The following CACNA2D2 variants were observed in gnomAD, a reference collection of about 807,000 sequenced individuals.
The protein encoded by CACNA2D2 is voltage-dependent calcium channel subunit alpha-2/delta-2.
CACNA2D2 carries 48 observed loss-of-function variants against 166.4 expected under a neutral mutation model. The ratio of observed to expected loss-of-function variants is 0.29; its 90% confidence interval spans 0.23 to 0.37. The LOEUF (loss-of-function observed/expected upper bound fraction) is 0.37, where lower values mean the gene tolerates loss of function less well. Ranked by LOEUF, CACNA2D2 falls within the 10% of genes least tolerant of loss-of-function variation. CACNA2D2 has a pLI of 1.00. For missense variants in CACNA2D2, 1,122 were observed against 1,433.0 expected, an observed-to-expected ratio of 0.78 and a Z score of 3.50; for synonymous variants, 561 against 573.7, an observed-to-expected ratio of 0.98 and a Z score of 0.32.
At chr3:50,409,745 G>A (rs576789389) in intron 3 of CACNA2D2, among the ~76,000 whole-genome samples, 1 of 152,178 alleles carries the variant, frequency 6.6e-6, no homozygotes, top group Non-Finnish European at 1.5e-5. Flanking sequence ...CCTACTTGCC[G>A]ATTAGCCCAG....
In CACNA2D2 at chr3:50,364,821, A is replaced by C; in HGVS notation, c.3292-15T>G. Reference sequence around the variant, plus strand: ...GAGGTATCTTCCTGCGGGGAGAGACAAGGAGCTGGTCGGCCTGGGCGGGCG... The same window carrying C: ...GAGGTATCTTCCTGCGGGGAGAGACCAGGAGCTGGTCGGCCTGGGCGGGCG... On this transcript the variant is annotated splice_polypyrimidine_tract_variant and intron_variant, in intron 37 of 37. Transcript: ENST00000424201. 7 of 1,612,820 alleles carry C rather than the reference A, an allele frequency of 4.3e-6. No homozygotes were observed. Among genetic ancestry groups the C allele is most frequent in the Non-Finnish European group, 5.9e-6 (7 of 1,179,782 alleles).
chr3:50,482,280 G>A (rs1290978743), intron 1 of CACNA2D2, among the ~76,000 whole-genome samples: 2 of 152,186 alleles, frequency 1.3e-5, no homozygotes, highest in Non-Finnish European at 2.9e-5. Flanking sequence ...GTGCACTCCA[G>A]GACGGTGGCA....
chr3:50,382,382 T>A (rs587596458), intron 6 of CACNA2D2, among the ~76,000 whole-genome samples: 1 of 152,164 alleles, frequency 6.6e-6, no homozygotes, highest in African/African-American at 2.4e-5. Flanking sequence ...GTAGAAAGCA[T>A]GATTTACAGT....
chr3:50,389,709 T>C (rs1221399335), intron 4 of CACNA2D2, among the ~76,000 whole-genome samples: 1 of 152,200 alleles, frequency 6.6e-6, no homozygotes, highest in Admixed American at 6.5e-5. Context: ...ACATCAGATA[T>C]TGGTGGCGTC....
chr3:50,482,138 A>T (rs977919819), intron 1 of CACNA2D2, among the ~76,000 whole-genome samples: 1 of 152,172 alleles, frequency 6.6e-6, no homozygotes, highest in Non-Finnish European at 1.5e-5. Context: ...CCACTCCCCC[A>T]TCCCAGCCTG....
chr3:50,460,785 C>T (rs937671137), intron 2 of CACNA2D2, among the ~76,000 whole-genome samples: 27 of 151,342 alleles, frequency 1.8e-4, no homozygotes, highest in East Asian at 7.8e-4. Flanking sequence ...ACCCGGAAGG[C>T]GGAGCTTGCA....
At chr3:50,495,538 A>G (rs1264312456) in intron 1 of CACNA2D2, among the ~76,000 whole-genome samples, 8 of 152,212 alleles carry the variant, frequency 5.3e-5, no homozygotes, top group Non-Finnish European at 1.2e-4. Context: ...TCCTTGAAGG[A>G]AGTGTCTTCG....
chr3:50,378,721 G>A (rs1053984485), intron 13 of CACNA2D2, among the ~76,000 whole-genome samples, 194 bp downstream of exon 13: 1 of 152,218 alleles, frequency 6.6e-6, no homozygotes, highest in Non-Finnish European at 1.5e-5. Flanking sequence ...CAGACAGACG[G>A]GCAAAAAGAG....
At chr3:50,481,168 C>A (rs1048116556) in intron 1 of CACNA2D2, among the ~76,000 whole-genome samples, 4 of 151,804 alleles carry the variant, frequency 2.6e-5, no homozygotes, top group Non-Finnish European at 4.4e-5. Flanking sequence ...TCAGAGGGCA[C>A]GGGTGGGTGT....
At position 50,363,119 on chromosome 3, in the gene CACNA2D2, T is replaced by C. The variant is rs1011286918; in HGVS notation, c.*1547A>G. ...TTTTCTGTTTTTTAAACTTAAAATA[T>C]ATATTTTTCTGTATATGTTTATATT... is the stretch of plus-strand genomic sequence containing the variant. On this transcript the variant is annotated 3_prime_UTR_variant, in exon 38 of 38. Transcript: ENST00000424201. 5.0e-6 allele frequency: 2 copies of C among 398,660 alleles called. No individual in the cohort carries two copies. Among genetic ancestry groups the C allele is most frequent in the African/African-American group, 2.1e-5 (1 of 48,568 alleles). The allele number at this position is 398,660 out of a possible 1,614,324, so 24.7% of individuals were successfully genotyped here.
At chr3:50,424,764 A>G (rs918585092) in intron 3 of CACNA2D2, among the ~76,000 whole-genome samples, 1 of 152,186 alleles carries the variant, frequency 6.6e-6, no homozygotes, top group Non-Finnish European at 1.5e-5. Context: ...GTATCCCAGG[A>G]CAGGAGGAGC....
chr3:50,370,471 A>AGGG, intron 22 of CACNA2D2, 91 bp from the exon 23 acceptor site: 1 of 29,166 alleles, frequency 3.4e-5, no homozygotes, highest in Non-Finnish European at 6.8e-5. Flanking sequence ...GACAGGGGAG[A>AGGG]GGGGGGCTGG....
rs72938728 is a variant in CACNA2D2 at position 50,485,932 on chromosome 3, A to C, written c.207-9733T>G. Among the ~76,000 whole-genome samples the C allele has an allele frequency of 4.2e-3, 643 of 152,258 alleles. 3 individuals carry two copies. The highest frequency in any genetic ancestry group is 0.015 in the African/African-American group (614 of 41,546). On this transcript the variant is annotated intron_variant, in intron 1 of 37. Coordinates refer to ENST00000424201, the MANE Select transcript of CACNA2D2 (RefSeq NM_006030.4). ...ACGGGGACAGGAATCCAGGAGGTGG[A>C]TCCAGGGTTCTCCAGGAAGCCTGGA...
At chr3:50,460,786 G>A (rs150995205) in intron 2 of CACNA2D2, among the ~76,000 whole-genome samples, 36 of 152,016 alleles carry the variant, frequency 2.4e-4, no homozygotes, top group African/African-American at 8.2e-4. Flanking sequence ...CCCGGAAGGC[G>A]GAGCTTGCAG....
In CACNA2D2 at chr3:50,365,879, G is replaced by A; in HGVS notation, c.2863-17C>T. On this transcript the variant is annotated splice_polypyrimidine_tract_variant and intron_variant, in intron 32 of 37. Coordinates refer to ENST00000424201, the MANE Select transcript of CACNA2D2 (RefSeq NM_006030.4). The surrounding 1 kb of genome is among the most constrained non-coding windows in gnomAD (Gnocchi z 4.5). ...AACGGTGGGCTGCAGTGGAGAGAGG[G>A]GCGTGGACTGCCACTGCTGCCCCTC... 2 of 1,612,944 alleles carry A rather than the reference G, an allele frequency of 1.2e-6. No individual in the cohort carries two copies. Among genetic ancestry groups the A allele is most frequent in the Non-Finnish European group, 8.5e-7 (1 of 1,179,964 alleles).
intron 2 of CACNA2D2, among the ~76,000 whole-genome samples, chr3:50,447,805 C>A (rs896310955): frequency 6.6e-6 from 1 of 152,170 alleles, no homozygotes; most frequent in Non-Finnish European, 1.5e-5. Context: ...GCCCCAGTCA[C>A]CACAGAGCCT....
intron 1 of CACNA2D2, among the ~76,000 whole-genome samples, chr3:50,495,881 G>A (rs867252222): frequency 6.6e-6 from 1 of 152,320 alleles, no homozygotes; most frequent in Middle Eastern, 3.4e-3. Context: ...AAGGACTCAC[G>A]GAGCTCCTCT....
intron 22 of CACNA2D2, among the ~76,000 whole-genome samples, chr3:50,372,657 C>A (rs1026220723): frequency 2.0e-5 from 3 of 152,164 alleles, no homozygotes; most frequent in Non-Finnish European, 4.4e-5. Flanking sequence ...ACATGAGCCC[C>A]ACTAGGGGCT....
chr3:50,400,409 G>A (rs1332173476), intron 3 of CACNA2D2, among the ~76,000 whole-genome samples: 1 of 152,276 alleles, frequency 6.6e-6, no homozygotes, highest in Non-Finnish European at 1.5e-5. Context: ...ACCACTCGTG[G>A]TCTGAGGGAG....
Sources: allele counts gnomAD v4.1 joint callset (sites outside exome capture counted in the v4.1 genomes callset), GRCh38; gene constraint gnomAD v4.1.1; non-coding constraint Gnocchi (gnomAD v3.1); transcripts MANE v1.5; gene names NCBI Gene and HGNC (gene_info 2026-07-23, HGNC 2026-07-21).